CDH23: variants seen among roughly 807,000 people sequenced by gnomAD.
The protein encoded by CDH23 is cadherin-23.
CDH23 carries 189 observed loss-of-function variants against 317.1 expected under a neutral mutation model. The ratio of observed to expected loss-of-function variants is 0.60; its 90% CI spans 0.53 to 0.67. CDH23 has a LOEUF of 0.67. Among genes scored for constraint, CDH23 ranks in the 30% least tolerant of loss-of-function variants. CDH23 has a pLI of 0.00. For synonymous variants in CDH23, 1,839 were observed against 1,876.8 expected, an observed-to-expected ratio of 0.98 and a Z score of 0.52; for missense variants, 4,401 against 4,592.4, an observed-to-expected ratio of 0.96 and a Z score of 1.20.
Position 71,583,975 on chromosome 10 carries a change from T to TCAG in CDH23, c.832+5985_832+5986insGCA, listed in dbSNP as rs1554841924. On this transcript the variant is annotated intron_variant, in intron 9 of 69. Coordinates refer to ENST00000224721, the MANE Select transcript of CDH23 (RefSeq NM_022124.6). The stretch of plus-strand genomic sequence containing the variant: ...GCTCCCCAGAGCAGCAGCATCAGCA[T>TCAG]CATCTGGGAATTATTAGAAATGCAA... Among the ~76,000 whole-genome samples, 618 of 152,096 alleles carry TCAG rather than the reference T, an allele frequency of 4.1e-3. 5 individuals carry two copies. The highest frequency in any genetic ancestry group is 0.014 in the African/African-American group (591 of 41,470).
chr10:71,800,700 T>C lies in CDH23; in HGVS notation c.7427T>C (p.Leu2476Ser). 6.2e-7 allele frequency: 1 copy of C among 1,613,982 alleles called. No homozygotes were observed. Among genetic ancestry groups the C allele is most frequent in the Non-Finnish European group, 8.5e-7 (1 of 1,179,882 alleles). Residue 2476 changes from leucine to serine, a missense_variant, in exon 53 of 70, where the codon TTG becomes TCG. Transcript: ENST00000224721. ...EKKDHYILTA[L>S]AKDNPGDVAS... ...AAGGACCACTATATCCTGACTGCCT[T>C]GGCCAAAGACAACCCTGGGGATGTA...
chr10:71,617,685 G>A, intron 11 of CDH23: 1 of 387,684 alleles, frequency 2.6e-6, no homozygotes. Context: ...TGTAAAGCAT[G>A]TACAAAAATA....
At chr10:71,750,619 G>A (rs1839973827) in intron 38 of CDH23, 1 of 152,454 alleles carries the variant, frequency 6.6e-6, no homozygotes, top group East Asian at 1.9e-4. Context: ...GGACCACCAA[G>A]CTCTGGGGAC....
chr10:71,627,928 A>G (rs4746089), intron 11 of CDH23, among the ~76,000 whole-genome samples: 107,547 of 152,014 alleles, frequency 0.71, 39,354 homozygotes, highest in South Asian at 0.88. Flanking sequence ...TCTCCCCAGC[A>G]CCTCTTGGCT....
intron 34 of CDH23, among the ~76,000 whole-genome samples, chr10:71,735,649 A>C (rs1839542833): frequency 6.6e-6 from 1 of 152,222 alleles, no homozygotes; most frequent in African/African-American, 2.4e-5. Context: ...TTAACCTAAA[A>C]AAGCTAGAAG....
At chr10:71,611,640 A>T (rs1214822312) in intron 9 of CDH23, among the ~76,000 whole-genome samples, 1 of 152,136 alleles carries the variant, frequency 6.6e-6, no homozygotes, top group Non-Finnish European at 1.5e-5. Context: ...GCCCACATAT[A>T]AGTCACTTGA....
chr10:71,715,212 G>A (rs1866154487), intron 28 of CDH23: 1 of 152,354 alleles, frequency 6.6e-6, no homozygotes, highest in Non-Finnish European at 1.5e-5. Flanking sequence ...CACCCGCCCT[G>A]GCCTCTGAAG....
chr10:71,532,727 G>GTTTTTTTTTTTTTT (rs200038577), intron 6 of CDH23, among the ~76,000 whole-genome samples: 5 of 93,930 alleles, frequency 5.3e-5, no homozygotes, highest in Admixed American at 1.3e-4. Context: ...TTTTTTTTTT[G>GTTTTTTTTTTTTTT]TTTTTTTTTT....
intron 3 of CDH23, among the ~76,000 whole-genome samples, chr10:71,498,821 G>A (rs992454932): frequency 2.0e-5 from 3 of 152,160 alleles, no homozygotes; most frequent in Admixed American, 1.3e-4. Context: ...GAGGAGCTCC[G>A]GGTTTCTAAG....
At chr10:71,772,841 C>G (rs1369106661) in intron 38 of CDH23, among the ~76,000 whole-genome samples, 1 of 152,316 alleles carries the variant, frequency 6.6e-6, no homozygotes, top group Non-Finnish European at 1.5e-5. Flanking sequence ...AAAGTGGACC[C>G]ACCGTGACCA....
chr10:71,509,062 G>T (rs1456301796), intron 3 of CDH23, among the ~76,000 whole-genome samples: 2 of 152,186 alleles, frequency 1.3e-5, no homozygotes, highest in Admixed American at 6.5e-5. Context: ...CTGAAGCCTA[G>T]GTGCCCTCAG....
At chr10:71,633,112 A>G (rs1386076946) in intron 11 of CDH23, among the ~76,000 whole-genome samples, 3 of 151,662 alleles carry the variant, frequency 2.0e-5, no homozygotes, top group Non-Finnish European at 4.4e-5. Context: ...TAATCCATTA[A>G]CCCATTAATC....
rs970613777 is a variant in CDH23 at position 71,595,030 on chromosome 10, A to G, written c.832+17038A>G. On this transcript the variant is annotated intron_variant, in intron 9 of 69. Transcript: ENST00000224721. The stretch of plus-strand genomic sequence containing the variant: ...AAGGGCTTGGGATCACATAGGTCCA[A>G]GTTTAAATCCTGGCTCTGAGTTCAG... 2.6e-5 allele frequency among the ~76,000 whole-genome samples: 4 copies of G among 152,374 alleles called. No individual in the cohort carries two copies. The East Asian group carries it at 7.7e-4, about 29-fold the overall frequency.
chr10:71,536,058 T>C (rs953749309), intron 6 of CDH23, among the ~76,000 whole-genome samples: 1 of 152,170 alleles, frequency 6.6e-6, no homozygotes, highest in African/African-American at 2.4e-5. Context: ...AAGCAGAAGG[T>C]GCACGCGCCT....
intron 3 of CDH23, among the ~76,000 whole-genome samples, chr10:71,478,789 C>A (rs145964470): frequency 6.6e-6 from 1 of 152,130 alleles, no homozygotes; most frequent in Admixed American, 6.5e-5. Flanking sequence ...TCTAAGAGCC[C>A]GTCTCCAAAG....
chr10:71,612,332 A>G (rs913562058), intron 9 of CDH23, among the ~76,000 whole-genome samples: 7 of 151,672 alleles, frequency 4.6e-5, no homozygotes, highest in Admixed American at 1.3e-4. Flanking sequence ...AAGGTTGCCT[A>G]GGTCGGGGCA....
At chr10:71,622,538 C>T (rs191708264) in intron 11 of CDH23, among the ~76,000 whole-genome samples, 147 of 152,208 alleles carry the variant, frequency 9.7e-4, no homozygotes, top group Middle Eastern at 3.4e-3. Context: ...CAGGGTGGCT[C>T]GGAGACCATC....
At position 71,677,450 on chromosome 10, in the gene CDH23, G is replaced by A. The variant is rs1372731430; in HGVS notation, c.1515-6G>A. The A allele has an allele frequency of 1.9e-6, 3 of 1,598,784 alleles. No individual in the cohort carries two copies. Among genetic ancestry groups the A allele is most frequent in the Non-Finnish European group, 2.6e-6 (3 of 1,171,354 alleles). On this transcript the variant is annotated splice_polypyrimidine_tract_variant and splice_region_variant and intron_variant, in intron 15 of 69. Transcript: ENST00000224721. The stretch of plus-strand genomic sequence containing the variant: ...TCCTTCTCTCCATCCTCTCGGCCTG[G>A]CACAGGTTCTCGCTGGACAAGGACA...
rs1227087 is a variant in CDH23 at position 71,687,524 on chromosome 10, G to T, written c.1987-123G>T. 8 of 809,520 alleles carry T rather than the reference G, an allele frequency of 9.9e-6. No individual in the cohort carries two copies. The Admixed American group carries it at 1.6e-4, about 16-fold the overall frequency. 50.1% of individuals were successfully genotyped at this position (809,520 alleles called of 1,614,324 possible). On this transcript the variant is annotated intron_variant, in intron 18 of 69. Transcript: ENST00000224721. ...ACACCTCACCTGGCTCTGGTTATACGGAGAGGCCAAAGCTCTTTAGGGCCA... is the reference window on the plus strand; with the variant it reads ...ACACCTCACCTGGCTCTGGTTATACTGAGAGGCCAAAGCTCTTTAGGGCCA...
Sources: allele counts gnomAD v4.1 joint callset (sites outside exome capture counted in the v4.1 genomes callset), GRCh38; gene constraint gnomAD v4.1.1; transcripts MANE v1.5; gene names NCBI Gene and HGNC (gene_info 2026-07-23, HGNC 2026-07-21).